The following DLGAP2 variants were observed in gnomAD, a reference collection of about 807,000 sequenced individuals.
DLGAP2 encodes the protein disks large-associated protein 2.
A neutral mutation model predicts 100.3 loss-of-function variants in DLGAP2; 26 were observed. The observed-to-expected ratio is 0.26, with a 90% CI of 0.19 to 0.36. The LOEUF is 0.36. Ranked by LOEUF, DLGAP2 falls within the 10% of genes least tolerant of loss-of-function variation. DLGAP2 has a pLI of 1.00. For synonymous variants in DLGAP2, 886 were observed against 630.1 expected, an observed-to-expected ratio of 1.41 and a Z score of -6.08; for missense variants, 1,858 against 1,453.2, an observed-to-expected ratio of 1.28 and a Z score of -4.53.
chr8:1,584,871 G>C lies in DLGAP2; in HGVS notation c.1442+18977G>C, dbSNP rs116012030. Among the ~76,000 whole-genome samples, 1,145 of 152,144 alleles carry C rather than the reference G, an allele frequency of 7.5e-3. 16 individuals carry two copies. The highest frequency in any genetic ancestry group is 0.026 in the African/African-American group (1,087 of 41,518). On this transcript the variant is annotated intron_variant, in intron 6 of 14. Transcript: ENST00000637795. ...CTTCATGGATTTCATTGTTTCTCTAGTAAATTCTTCACTTTTTACCTCATT... is the reference window on the plus strand; with the variant it reads ...CTTCATGGATTTCATTGTTTCTCTACTAAATTCTTCACTTTTTACCTCATT...
At chr8:1,199,978 G>C (rs1464605893) in intron 2 of DLGAP2, among the ~76,000 whole-genome samples, 3 of 152,152 alleles carry the variant, frequency 2.0e-5, no homozygotes, top group Non-Finnish European at 4.4e-5. Context: ...CTCAGCAGGG[G>C]TCAGTCTGTG....
intron 2 of DLGAP2, among the ~76,000 whole-genome samples, chr8:976,381 G>A (rs901446401): frequency 6.6e-6 from 1 of 152,112 alleles, no homozygotes; most frequent in Non-Finnish European, 1.5e-5. Flanking sequence ...GGAGATCGAG[G>A]CGGGCGGATC....
intron 3 of DLGAP2, among the ~76,000 whole-genome samples, chr8:1,422,652 C>T (rs111773202): frequency 2.0e-4 from 30 of 151,756 alleles, no homozygotes; most frequent in Non-Finnish European, 3.2e-4. Context: ...CTGGAGGGCA[C>T]GGCTGGTGTG....
At chr8:1,522,386 CG>C (rs1404929683) in intron 4 of DLGAP2, among the ~76,000 whole-genome samples, 1 of 152,142 alleles carries the variant, frequency 6.6e-6, no homozygotes, top group African/African-American at 2.4e-5. Flanking sequence ...GTGCAGCAGC[CG>C]GGGCCCAGGG....
chr8:1,262,818 C>G (rs764709703), intron 3 of DLGAP2, among the ~76,000 whole-genome samples: 3 of 152,124 alleles, frequency 2.0e-5, no homozygotes, highest in Non-Finnish European at 2.9e-5. Flanking sequence ...TTGACAGATG[C>G]ATGATACTAC....
chr8:1,309,902 C>G (rs1418242774), intron 3 of DLGAP2, among the ~76,000 whole-genome samples: 5 of 152,180 alleles, frequency 3.3e-5, no homozygotes, highest in South Asian at 2.1e-4. Context: ...CAAGACCAGC[C>G]TAGCCAACAT....
At chr8:993,934 A>G (rs1358314245) in intron 2 of DLGAP2, among the ~76,000 whole-genome samples, 1 of 151,680 alleles carries the variant, frequency 6.6e-6, no homozygotes, top group African/African-American at 2.4e-5. Context: ...CCGGCTGGTA[A>G]TTTTCCCTTT....
intron 1 of DLGAP2, among the ~76,000 whole-genome samples, chr8:850,937 C>G (rs572229231): frequency 1.3e-5 from 2 of 152,058 alleles, no homozygotes; most frequent in South Asian, 4.2e-4. Flanking sequence ...TTGAAATAGC[C>G]AAGATTCACA....
At chr8:1,670,750 A>G (rs566647541) in intron 10 of DLGAP2, among the ~76,000 whole-genome samples, 59 of 152,370 alleles carry the variant, frequency 3.9e-4, no homozygotes, top group African/African-American at 1.3e-3. Context: ...CGGTCTCACA[A>G]TTATCCAAAG....
chr8:1,441,917 T>C (rs1359690998), intron 3 of DLGAP2, among the ~76,000 whole-genome samples: 3 of 152,024 alleles, frequency 2.0e-5, no homozygotes, highest in Admixed American at 1.3e-4. Flanking sequence ...CACTATGGAA[T>C]ACTATGCGGC....
intron 1 of DLGAP2, among the ~76,000 whole-genome samples, chr8:900,323 G>C (rs1798226925): frequency 6.6e-6 from 1 of 150,680 alleles, no homozygotes; most frequent in Non-Finnish European, 1.5e-5. Flanking sequence ...TCCTCTTCAC[G>C]GTGTCGCTCC....
intron 12 of DLGAP2, among the ~76,000 whole-genome samples, chr8:1,680,175 C>T (rs898228032): frequency 5.3e-5 from 8 of 152,116 alleles, no homozygotes; most frequent in Non-Finnish European, 5.9e-5. Flanking sequence ...TGACAAATTA[C>T]GGTCTAAGTA....
At chr8:834,911 C>T (rs1274593993) in intron 1 of DLGAP2, among the ~76,000 whole-genome samples, 1 of 152,182 alleles carries the variant, frequency 6.6e-6, no homozygotes, top group Non-Finnish European at 1.5e-5. Flanking sequence ...TAGAATGAGA[C>T]TTCATTAACC....
intron 8 of DLGAP2, among the ~76,000 whole-genome samples, chr8:1,652,248 G>A (rs1455103715): frequency 6.6e-6 from 1 of 152,146 alleles, no homozygotes; most frequent in Non-Finnish European, 1.5e-5. Context: ...TCCTCCTGGA[G>A]TGTGTGTGAG....
intron 2 of DLGAP2, among the ~76,000 whole-genome samples, chr8:1,094,899 C>T (rs540546671): frequency 2.6e-5 from 4 of 152,314 alleles, no homozygotes; most frequent in East Asian, 3.9e-4. Flanking sequence ...TGGTTTTGGT[C>T]GTTGTTTTCC....
At chr8:1,459,767 C>A (rs778644555) in intron 3 of DLGAP2, among the ~76,000 whole-genome samples, 1 of 146,134 alleles carries the variant, frequency 6.8e-6, no homozygotes, top group Admixed American at 7.2e-5. Flanking sequence ...CTCACTGCAA[C>A]CTCTGCCTCC....
chr8:1,684,023 C>A (rs2130865162), intron 12 of DLGAP2, among the ~76,000 whole-genome samples: 1 of 132,144 alleles, frequency 7.6e-6, no homozygotes, highest in South Asian at 2.5e-4. Flanking sequence ...ACTCTGACAC[C>A]AAGGCTGGAG....
intron 12 of DLGAP2, among the ~76,000 whole-genome samples, chr8:1,684,734 T>TATTA (rs10691322): frequency 0.39 from 59,595 of 151,638 alleles, 12,157 homozygotes; most frequent in East Asian, 0.59. Flanking sequence ...AAGATTTTTG[T>TATTA]ATTATGTCAA....
chr8:1,414,015 G>T (rs575512166), intron 3 of DLGAP2, among the ~76,000 whole-genome samples: 17 of 152,330 alleles, frequency 1.1e-4, no homozygotes, highest in African/African-American at 3.6e-4. Flanking sequence ...GTGCAGCTCA[G>T]GGCACCGTGT....
Sources: allele counts gnomAD v4.1 joint callset (sites outside exome capture counted in the v4.1 genomes callset), GRCh38; gene constraint gnomAD v4.1.1; transcripts MANE v1.5; gene names NCBI Gene and HGNC (gene_info 2026-07-23, HGNC 2026-07-21).